The following NBEAL1 variants were observed in gnomAD, a reference collection of about 807,000 sequenced individuals.
The protein encoded by NBEAL1 is neurobeachin-like protein 1.
A neutral mutation model predicts 351.3 loss-of-function variants in NBEAL1; 273 were observed. The ratio of observed to expected loss-of-function variants is 0.78; its 90% CI spans 0.70 to 0.86. NBEAL1 has a LOEUF of 0.86. Among genes scored for constraint, NBEAL1 ranks in the 40% least tolerant of loss-of-function variants. The pLI is 0.00. For missense variants in NBEAL1, 2,961 were observed against 3,201.3 expected (o/e 0.92, Z 1.81); for synonymous variants, 1,050 against 1,086.4 (o/e 0.97, Z 0.66).
chr2:203,017,593 T>G (rs899402632), intron 2 of NBEAL1, among the ~76,000 whole-genome samples: 1 of 152,118 alleles, frequency 6.6e-6, no homozygotes, highest in African/African-American at 2.4e-5. Context: ...TAACCAAAAA[T>G]TAAAATTAAT....
rs945739260 is a variant in NBEAL1 at position 203,221,078 on chromosome 2, T to C, written c.*3724T>C. ...AAAAGAATAAGTGGGCTCTCAGAATTAGAATTCAGATTTGACGGTTGAATC... is the reference window on the plus strand; with the variant it reads ...AAAAGAATAAGTGGGCTCTCAGAATCAGAATTCAGATTTGACGGTTGAATC... On this transcript the variant is annotated 3_prime_UTR_variant, in exon 56 of 56. Transcript: ENST00000683969. Among the ~76,000 whole-genome samples, 1 of 152,118 alleles carries C rather than the reference T, an allele frequency of 6.6e-6. No individual in the cohort carries two copies. Among genetic ancestry groups the C allele is most frequent in the African/African-American group, 2.4e-5 (1 of 41,450 alleles).
intron 35 of NBEAL1, 45 bp downstream of exon 35, chr2:203,151,634 G>A (rs781630982): frequency 3.3e-6 from 5 of 1,531,304 alleles, no homozygotes; most frequent in Non-Finnish European, 4.4e-6. Flanking sequence ...GATAATGAGA[G>A]TGTTCGTGGG....
Position 203,213,628 on chromosome 2 carries a change from T to C in NBEAL1, c.8045T>C (p.Val2682Ala), listed in dbSNP as rs544526379. ...GGTTTAGAAGATGGCAAATTGATTG[T>C]AGTGGGTGTTGGCAAGCCTGCTGAG... ...LVGLEDGKLIVVGVGKPAEMR... is the reference protein window; with the variant it reads ...LVGLEDGKLIAVGVGKPAEMR... The change falls in exon 55 of 56, where the codon GTA becomes GCA. Residue 2682 changes from valine (V) to alanine (A), a missense_variant. Val to Ala is a moderately conservative substitution (Grantham distance 64, BLOSUM62 0). Transcript: ENST00000683969. 8 of 1,613,924 alleles carry C rather than the reference T, an allele frequency of 5.0e-6. No individual in the cohort carries two copies. The South Asian group carries it at 7.7e-5, about 16-fold the overall frequency.
rs533990703 is a variant in NBEAL1 at position 203,132,687 on chromosome 2, A to T, written c.3725-371A>T. ...GCCCTGCTTCTAATTTTTTTAAATA[A>T]TTTTTTTCAGTACTTAATGACAGAC... On this transcript the variant is annotated intron_variant, in intron 26 of 55. Coordinates refer to ENST00000683969, the MANE Select transcript of NBEAL1 (RefSeq NM_001378026.1). Among the ~76,000 whole-genome samples the T allele has an allele frequency of 9.9e-5, 15 of 152,136 alleles. No individual in the cohort carries two copies. In the South Asian group the frequency reaches 2.7e-3, roughly 27 times the overall value.
intron 22 of NBEAL1, 43 bp from the exon 23 acceptor site, chr2:203,126,775 ATTGACT>A: frequency 6.5e-7 from 1 of 1,534,756 alleles, no homozygotes; most frequent in Non-Finnish European, 8.8e-7. Flanking sequence ...ATAACTACCT[ATTGACT>A]TTATTTTAGC....
At chr2:203,038,919 A>G (rs1045860012) in intron 2 of NBEAL1, among the ~76,000 whole-genome samples, 2 of 148,828 alleles carry the variant, frequency 1.3e-5, no homozygotes, top group Non-Finnish European at 3.0e-5. Context: ...GGCTCAAGCG[A>G]TTCTCTCACA....
At position 203,171,945 on chromosome 2, in the gene NBEAL1, G is replaced by A; in HGVS notation, c.6120G>A (p.Glu2040=). ...CTGTCTAGAAATGGGTAAACAGAGA[G>A]ATATCAAATTTTGACTACCTCATTC... ...SGLTQKWVNR[E]ISNFDYLIQI... is the part of the protein sequence containing the mutation. The change falls in exon 40 of 56, where the codon GAG becomes GAA. Residue 2040 remains glutamate, a synonymous_variant. Coordinates refer to ENST00000683969, the MANE Select transcript of NBEAL1 (RefSeq NM_001378026.1). 1 of 1,600,134 alleles carries A rather than the reference G, an allele frequency of 6.2e-7. No homozygotes were observed. Among genetic ancestry groups the A allele is most frequent in the Non-Finnish European group, 8.5e-7 (1 of 1,174,034 alleles).
chr2:203,105,319 A>G (rs2062411946), intron 12 of NBEAL1, among the ~76,000 whole-genome samples: 1 of 151,932 alleles, frequency 6.6e-6, no homozygotes, highest in African/African-American at 2.4e-5. Flanking sequence ...TACAAAAATT[A>G]GCCAGGCATG....
In NBEAL1 at chr2:203,057,209, A is replaced by G. The variant is rs1055218760; in HGVS notation, c.388-117A>G. 16 of 799,226 alleles carry G rather than the reference A, an allele frequency of 2.0e-5. No individual in the cohort carries two copies. The African/African-American group carries it at 2.6e-4, about 13-fold the overall frequency. The allele number at this position is 799,226 out of a possible 1,614,324, so 49.5% of individuals were successfully genotyped here. On this transcript the variant is annotated intron_variant, in intron 5 of 55. Transcript: ENST00000683969. ...AAATCTTAGTGGCTGTATCCAGTCC[A>G]TATGATTAAATGACTCTTAGTCTCA... is the stretch of plus-strand genomic sequence containing the variant.
In NBEAL1 at chr2:203,136,601, A is replaced by C. The variant is rs755673829; in HGVS notation, c.4392A>C (p.Arg1464Ser). ...DDFSLLESQERCEEELLQLLT... is the reference protein window; with the variant it reads ...DDFSLLESQESCEEELLQLLT... ...AAATTACTTTATATTTTCCATAGAGATGTGAGGAGGAGCTTCTTCAATTAC... is the reference window on the plus strand; with the variant it reads ...AAATTACTTTATATTTTCCATAGAGCTGTGAGGAGGAGCTTCTTCAATTAC... Residue 1464 changes from arginine (R) to serine (S), a missense_variant and splice_region_variant, in exon 29 of 56, where the codon AGA becomes AGC. Transcript: ENST00000683969. 4 of 1,603,976 alleles carry C rather than the reference A, an allele frequency of 2.5e-6. No individual in the cohort carries two copies. Among genetic ancestry groups the C allele is most frequent in the Middle Eastern group, 1.7e-4 (1 of 5,796 alleles).
chr2:203,027,597 T>A (rs2060879689), intron 2 of NBEAL1, among the ~76,000 whole-genome samples: 1 of 152,258 alleles, frequency 6.6e-6, no homozygotes, highest in African/African-American at 2.4e-5. Flanking sequence ...ATGATGCCAC[T>A]GTGAGGTGAA....
chr2:203,136,916 C>A (rs1162207190), intron 29 of NBEAL1, 142 bp downstream of exon 29: 7 of 706,756 alleles, frequency 9.9e-6, no homozygotes, highest in Non-Finnish European at 1.4e-5. Flanking sequence ...GTTCCTTTTC[C>A]TATCTTTTGC....
chr2:203,036,851 C>G (rs1156987897), intron 2 of NBEAL1, among the ~76,000 whole-genome samples: 1 of 148,948 alleles, frequency 6.7e-6, no homozygotes, highest in African/African-American at 2.4e-5. Context: ...TGCATTAATT[C>G]TTTATGGTGT....
Position 203,116,076 on chromosome 2 carries a change from AG to A in NBEAL1, c.2592+7del, listed in dbSNP as rs2062690544. 1 of 1,548,430 alleles carries A rather than the reference AG, an allele frequency of 6.5e-7. No individual in the cohort carries two copies. The highest frequency in any genetic ancestry group is 1.4e-5 in the African/African-American group (1 of 73,116). On this transcript the variant is annotated splice_region_variant and intron_variant, in intron 18 of 55. Transcript: ENST00000683969. ...TTCTTTACTACACAGCAAAGGTCAG[AG>A]TAAATTTGTGAACTGTCCATCTAGT... is the stretch of plus-strand genomic sequence containing the variant.
In NBEAL1 at chr2:203,034,523, A is replaced by G. The variant is rs936820436; in HGVS notation, c.52-7242A>G. ...GCCCAGGCTGGAGTGCAATGGCACA[A>G]TCTCGGCTCACTGAAACCTCCACCT... On this transcript the variant is annotated intron_variant, in intron 2 of 55. Transcript: ENST00000683969. Among the ~76,000 whole-genome samples, 6 of 143,382 alleles carry G rather than the reference A, an allele frequency of 4.2e-5. 2 individuals carry two copies. The highest frequency in any genetic ancestry group is 6.2e-5 in the Non-Finnish European group (4 of 64,158). 94.1% of individuals were successfully genotyped at this position (143,382 alleles called of 152,430 possible).
intron 17 of NBEAL1, among the ~76,000 whole-genome samples, chr2:203,114,133 T>C (rs1420574473): frequency 6.6e-6 from 1 of 152,176 alleles, no homozygotes; most frequent in Non-Finnish European, 1.5e-5. Flanking sequence ...CTCCTGTGTC[T>C]CTTATTATAA....
chr2:203,167,066 G>T (rs939453678), intron 37 of NBEAL1, among the ~76,000 whole-genome samples, 161 bp from the exon 38 acceptor site: 1 of 152,186 alleles, frequency 6.6e-6, no homozygotes, highest in East Asian at 1.9e-4. Flanking sequence ...TAGTTTAAAA[G>T]AACCAGTTTA....
At chr2:203,020,250 C>G (rs2060746582) in intron 2 of NBEAL1, among the ~76,000 whole-genome samples, 1 of 152,170 alleles carries the variant, frequency 6.6e-6, no homozygotes, top group African/African-American at 2.4e-5. Flanking sequence ...AAACATGTGT[C>G]TTCTTCCTAA....
At chr2:203,183,843 G>A (rs2064806581) in intron 44 of NBEAL1, among the ~76,000 whole-genome samples, 1 of 152,008 alleles carries the variant, frequency 6.6e-6, no homozygotes, top group Admixed American at 6.6e-5. Flanking sequence ...GGAGGCCAAG[G>A]AGGCCAAGGC....
Sources: gnomAD v4.1 joint callset for allele counts (sites outside exome capture counted in the v4.1 genomes callset) on GRCh38, gnomAD v4.1.1 for gene constraint, MANE v1.5 for transcripts, NCBI Gene and HGNC (gene_info 2026-07-23, HGNC 2026-07-21) for gene names.